The following CACNB2 variants were observed in gnomAD, a reference collection of about 807,000 sequenced individuals.
CACNB2 encodes the protein calcium voltage-gated channel auxiliary subunit beta 2, also known as voltage-dependent L-type calcium channel subunit beta-2.
A neutral mutation model predicts 73.3 loss-of-function variants in CACNB2; 42 were observed. That is an observed-to-expected ratio of 0.57 (90% CI 0.45 to 0.74). The LOEUF is 0.74. Among genes scored for constraint, CACNB2 ranks in the 30% least tolerant of loss-of-function variants. The pLI is 0.00. For missense variants in CACNB2, 940 were observed against 853.0 expected (o/e 1.10, Z -1.27); for synonymous variants, 348 against 310.3 (o/e 1.12, Z -1.28).
At chr10:18,474,342 C>T (rs1224679786) in intron 3 of CACNB2, among the ~76,000 whole-genome samples, 1 of 152,154 alleles carries the variant, frequency 6.6e-6, no homozygotes. Flanking sequence ...GCAAGCAAGA[C>T]CTGTCTCTGT....
intron 1 of CACNB2, among the ~76,000 whole-genome samples, chr10:18,146,234 A>G (rs868334240): frequency 8.6e-5 from 13 of 152,026 alleles, no homozygotes; most frequent in South Asian, 2.1e-4. Context: ...GTTTTAGGTC[A>G]TAAGATGAGG....
intron 3 of CACNB2, among the ~76,000 whole-genome samples, chr10:18,476,142 G>A (rs1282149899): frequency 1.3e-5 from 2 of 152,096 alleles, no homozygotes; most frequent in Admixed American, 6.5e-5. Context: ...TGAAACTGAG[G>A]GTTCCTCCCC....
chr10:18,378,530 C>G (rs2042891499), intron 2 of CACNB2, among the ~76,000 whole-genome samples: 1 of 152,174 alleles, frequency 6.6e-6, no homozygotes, highest in Non-Finnish European at 1.5e-5. Flanking sequence ...AGGGGGATCA[C>G]TTGAGCCCAG....
At chr10:18,266,536 G>T (rs1037977679) in intron 2 of CACNB2, among the ~76,000 whole-genome samples, 9 of 151,530 alleles carry the variant, frequency 5.9e-5, no homozygotes, top group African/African-American at 9.7e-5. Context: ...TTTAATTGTG[G>T]TTGTTCACTC....
chr10:18,210,488 G>T (rs1431396527), intron 2 of CACNB2, among the ~76,000 whole-genome samples: 1 of 152,080 alleles, frequency 6.6e-6, no homozygotes, highest in Non-Finnish European at 1.5e-5. Flanking sequence ...GTATGAATCT[G>T]TAGAGGCGAT....
chr10:18,227,577 G>A, intron 2 of CACNB2, among the ~76,000 whole-genome samples: 1 of 152,192 alleles, frequency 6.6e-6, no homozygotes. Flanking sequence ...ACAGTTTGTT[G>A]GAACTGGGTG....
chr10:18,249,473 A>T (rs376041872), intron 2 of CACNB2, among the ~76,000 whole-genome samples: 5 of 152,142 alleles, frequency 3.3e-5, no homozygotes, highest in African/African-American at 1.2e-4. Context: ...CTCCTTGAAA[A>T]ATGTGTGTCC....
intron 3 of CACNB2, among the ~76,000 whole-genome samples, chr10:18,480,303 G>GC (rs1443913426): frequency 1.3e-5 from 2 of 151,540 alleles, no homozygotes; most frequent in African/African-American, 2.4e-5. Context: ...TGTGGGATTT[G>GC]TTTTTTTCTC....
chr10:18,162,219 T>C (rs2032520544), intron 2 of CACNB2, among the ~76,000 whole-genome samples: 1 of 152,216 alleles, frequency 6.6e-6, no homozygotes, highest in African/African-American at 2.4e-5. Context: ...TATTGAGTTC[T>C]TGAAGTTATT....
At chr10:18,160,954 C>G (rs954079194) in intron 2 of CACNB2, among the ~76,000 whole-genome samples, 3 of 152,004 alleles carry the variant, frequency 2.0e-5, no homozygotes, top group Non-Finnish European at 2.9e-5. Flanking sequence ...ATCTTTAGTC[C>G]GCAATTGTGA....
chr10:18,428,006 C>A (rs577048135), intron 3 of CACNB2, among the ~76,000 whole-genome samples: 1 of 152,064 alleles, frequency 6.6e-6, no homozygotes, highest in Admixed American at 6.5e-5. Flanking sequence ...TTTTTGAGAA[C>A]CTGGTTTTCT....
intron 3 of CACNB2, among the ~76,000 whole-genome samples, chr10:18,434,504 A>G (rs1010132293): frequency 3.3e-5 from 5 of 152,234 alleles, no homozygotes; most frequent in African/African-American, 1.2e-4. Context: ...AACCTGGAAT[A>G]GCATTTCCCA....
intron 2 of CACNB2, among the ~76,000 whole-genome samples, chr10:18,374,503 G>A (rs2042714714): frequency 1.3e-5 from 2 of 152,192 alleles, no homozygotes; most frequent in African/African-American, 2.4e-5. Flanking sequence ...TGAGGCAGGA[G>A]GATAGCTTGA....
intron 3 of CACNB2, among the ~76,000 whole-genome samples, chr10:18,490,869 T>A (rs2049375105): frequency 6.7e-6 from 1 of 148,738 alleles, no homozygotes; most frequent in African/African-American, 2.5e-5. Context: ...GAGGGTGGAG[T>A]TAAAGGGTGG....
chr10:18,388,148 T>C (rs576880806), intron 2 of CACNB2, among the ~76,000 whole-genome samples: 1 of 152,202 alleles, frequency 6.6e-6, no homozygotes, highest in South Asian at 2.1e-4. Context: ...ATCATTAAAG[T>C]CCATTACACC....
chr10:18,191,007 C>T (rs929886944), intron 2 of CACNB2, among the ~76,000 whole-genome samples: 3 of 152,274 alleles, frequency 2.0e-5, no homozygotes, highest in East Asian at 1.9e-4. Flanking sequence ...ATGGGAAACG[C>T]GCAAGCTGTG....
chr10:18,527,571 A>T lies in CACNB2; in HGVS notation c.945-17A>T, dbSNP rs2052604774. The stretch of plus-strand genomic sequence containing the variant: ...ACCAATAACCTTAAGGTCTTCTGTG[A>T]CTTTTTCCTCCAACAGGATATCCAT... On this transcript the variant is annotated splice_polypyrimidine_tract_variant and intron_variant, in intron 9 of 13. Coordinates refer to ENST00000324631, the MANE Select transcript of CACNB2 (RefSeq NM_201596.3). 5 of 1,578,558 alleles carry T rather than the reference A, an allele frequency of 3.2e-6. No individual in the cohort carries two copies. The highest frequency in any genetic ancestry group is 1.3e-5 in the African/African-American group (1 of 74,198).
intron 2 of CACNB2, among the ~76,000 whole-genome samples, chr10:18,212,499 A>T (rs546622090): frequency 1.3e-5 from 2 of 152,270 alleles, no homozygotes; most frequent in Admixed American, 6.5e-5. Context: ...GAATATGAGT[A>T]CCAAGTTGTG....
Position 18,517,725 on chromosome 10 carries a change from C to G in CACNB2, c.805-611C>G, listed in dbSNP as rs1458089211. Among the ~76,000 whole-genome samples, 14 of 152,260 alleles carry G rather than the reference C, an allele frequency of 9.2e-5. No homozygotes were observed. The East Asian group carries it at 2.7e-3, about 29-fold the overall frequency. On this transcript the variant is annotated intron_variant, in intron 7 of 13. Coordinates refer to ENST00000324631, the MANE Select transcript of CACNB2 (RefSeq NM_201596.3). ...AAGCTGTGAGCAGGGATCATGATTACTGTTTACTAAAATAAGCATGCATGT... is the reference window on the plus strand; with the variant it reads ...AAGCTGTGAGCAGGGATCATGATTAGTGTTTACTAAAATAAGCATGCATGT...
Sources: gnomAD v4.1 joint callset for allele counts (sites outside exome capture counted in the v4.1 genomes callset) on GRCh38, gnomAD v4.1.1 for gene constraint, MANE v1.5 for transcripts, NCBI Gene and HGNC (gene_info 2026-07-23, HGNC 2026-07-21) for gene names.